Variants in RBM20 observed in about 807,000 individuals in gnomAD.
RBM20 encodes the protein RNA binding motif protein 20.
RBM20 carries 51 observed loss-of-function variants against 110.1 expected under a neutral mutation model. That is an observed-to-expected ratio of 0.46 (90% CI 0.37 to 0.59). The LOEUF (loss-of-function observed/expected upper bound fraction) is 0.59. Ranked by LOEUF, RBM20 falls within the 20% of genes least tolerant of loss-of-function variation. The pLI is 0.00. For synonymous variants in RBM20, 589 were observed against 618.2 expected (o/e 0.95, Z 0.70); for missense variants, 1,512 against 1,574.9 (o/e 0.96, Z 0.68).
In RBM20 at chr10:110,823,431, C is replaced by CTTTTTTTT. The variant is rs201149204; in HGVS notation, c.3317-29_3317-22dup. The CTTTTTTTT allele has an allele frequency of 2.1e-5, 27 of 1,303,060 alleles. 1 individual carries two copies. In the African/African-American group the frequency reaches 2.6e-4, roughly 13 times the overall value. 80.7% of individuals were successfully genotyped at this position (1,303,060 alleles called of 1,614,324 possible). ...GGACTCTTTGAGGCATGTTGTATTT[C>CTTTTTTTT]TTTTTTTTTTTTTTTTTTTTTTTTT... On this transcript the variant is annotated intron_variant, in intron 11 of 13. Transcript: ENST00000369519.
intron 1 of RBM20, among the ~76,000 whole-genome samples, chr10:110,688,995 AT>A (rs140643026): frequency 0.22 from 33,564 of 151,180 alleles, 3,871 homozygotes; most frequent in East Asian, 0.33. Context: ...GCTTTTAGGC[AT>A]TTTTTTGTTT....
chr10:110,748,582 CT>C (rs1205719605), intron 1 of RBM20, among the ~76,000 whole-genome samples: 1 of 152,156 alleles, frequency 6.6e-6, no homozygotes, highest in Admixed American at 6.5e-5. Context: ...GGGTAGCTCT[CT>C]TTTGACTCCT....
chr10:110,751,793 A>T (rs915811907), intron 1 of RBM20, among the ~76,000 whole-genome samples: 9 of 151,142 alleles, frequency 6.0e-5, no homozygotes, highest in African/African-American at 1.5e-4. Flanking sequence ...AATAGAAATT[A>T]AAAAAAACTC....
chr10:110,812,590 G>C lies in RBM20; in HGVS notation c.2193G>C (p.Arg731Ser), dbSNP rs1475940613. ...AELDERPEGG[R>S]PHREKYPRSG... ...TGGACGAGCGACCAGAAGGAGGGAG[G>C]CCCCACCGGGAGAAGTACCCGAGAT... is the stretch of plus-strand genomic sequence containing the variant. The change falls in exon 9 of 14, where the codon AGG becomes AGC. Residue 731 changes from arginine (R) to serine (S), a missense_variant. By Grantham distance (110) the Arg-to-Ser change is moderately radical (BLOSUM62 -1). This residue lies in a region of RBM20 where 1,149 missense variants were observed against 1,169.4 expected (regional missense o/e 0.98). Transcript: ENST00000369519. The C allele has an allele frequency of 9.7e-6, 15 of 1,551,520 alleles. No homozygotes were observed. Among genetic ancestry groups the C allele is most frequent in the African/African-American group, 1.4e-5 (1 of 73,028 alleles).
At chr10:110,651,049 G>A (rs925409694) in intron 1 of RBM20, among the ~76,000 whole-genome samples, 1 of 152,182 alleles carries the variant, frequency 6.6e-6, no homozygotes, top group Non-Finnish European at 1.5e-5. Context: ...ACCTGGACAA[G>A]CCAATTAACC....
At position 110,687,374 on chromosome 10, in the gene RBM20, A is replaced by T. The variant is rs148089025; in HGVS notation, c.191+42729A>T. Among the ~76,000 whole-genome samples the T allele has an allele frequency of 1.3e-3, 203 of 152,364 alleles. 1 individual carries two copies. Among genetic ancestry groups the T allele is most frequent in the African/African-American group, 4.7e-3 (197 of 41,590 alleles). On this transcript the variant is annotated intron_variant, in intron 1 of 13. Transcript: ENST00000369519. ...CATAGCTGAATGATTAAGTTGGATG[A>T]TGTGACAAAACACTTAACTTGTATT...
At chr10:110,747,202 T>TCACTA (rs1843791565) in intron 1 of RBM20, among the ~76,000 whole-genome samples, 1 of 151,402 alleles carries the variant, frequency 6.6e-6, no homozygotes, top group African/African-American at 2.4e-5. Flanking sequence ...AAAAATACCC[T>TCACTA]CACTAAAAAT....
At chr10:110,696,536 C>T (rs570462251) in intron 1 of RBM20, among the ~76,000 whole-genome samples, 1 of 152,308 alleles carries the variant, frequency 6.6e-6, no homozygotes, top group African/African-American at 2.4e-5. Flanking sequence ...TCAGAAACTC[C>T]AAGGGTGGCA....
At chr10:110,667,639 C>A (rs1862197279) in intron 1 of RBM20, among the ~76,000 whole-genome samples, 1 of 152,180 alleles carries the variant, frequency 6.6e-6, no homozygotes, top group Non-Finnish European at 1.5e-5. Flanking sequence ...CAGAACCCAG[C>A]CCCCTTTTCA....
At position 110,838,248 on chromosome 10, in the gene RBM20, T is replaced by C. The variant is rs942816224; in HGVS notation, c.*2270T>C. On this transcript the variant is annotated 3_prime_UTR_variant, in exon 14 of 14. Coordinates refer to ENST00000369519, the MANE Select transcript of RBM20 (RefSeq NM_001134363.3). Reference sequence around the variant, plus strand: ...TGTTGCCCAATTCTAGAATCAAAAATAAAGGCCAACTAAGATCTTCAAAGT... The same window carrying C: ...TGTTGCCCAATTCTAGAATCAAAAACAAAGGCCAACTAAGATCTTCAAAGT... 1.3e-5 allele frequency: 2 copies of C among 152,190 alleles called. No individual in the cohort carries two copies. The highest frequency in any genetic ancestry group is 2.9e-5 in the Non-Finnish European group (2 of 68,018). 9.4% of individuals were successfully genotyped at this position (152,190 alleles called of 1,614,324 possible). A position where few individuals can be genotyped will look rare whatever the true frequency, so the allele number is the denominator to read the frequency against.
chr10:110,699,848 G>A (rs1344110277), intron 1 of RBM20, among the ~76,000 whole-genome samples: 1 of 152,046 alleles, frequency 6.6e-6, no homozygotes, highest in African/African-American at 2.4e-5. Flanking sequence ...ATTATGAAGC[G>A]AAATAAGGAT....
chr10:110,702,568 T>A (rs1404971665), intron 1 of RBM20, among the ~76,000 whole-genome samples: 2 of 152,176 alleles, frequency 1.3e-5, no homozygotes, highest in Non-Finnish European at 2.9e-5. Context: ...TGAAAGCATG[T>A]GAAGTTTATG....
At chr10:110,649,992 G>T (rs142732343) in intron 1 of RBM20, among the ~76,000 whole-genome samples, 1 of 152,186 alleles carries the variant, frequency 6.6e-6, no homozygotes, top group Non-Finnish European at 1.5e-5. Context: ...CACCACGGGG[G>T]TATTGTTGGT....
chr10:110,752,920 C>CATATATATATATATATATATAT (rs760317651), intron 1 of RBM20, among the ~76,000 whole-genome samples: 1 of 125,226 alleles, frequency 8.0e-6, no homozygotes, highest in African/African-American at 3.2e-5. Flanking sequence ...TATATTTATA[C>CATATATATATATATATATATAT]ATATATATAT....
At chr10:110,823,330 C>A in intron 11 of RBM20, 150 bp from the exon 12 acceptor site, 1 of 1,003,158 alleles carries the variant, frequency 1.0e-6, no homozygotes, top group Non-Finnish European at 1.4e-6. Flanking sequence ...TAATTAGCAA[C>A]CATTGCCCCA....
At chr10:110,725,724 G>A (rs1408637357) in intron 1 of RBM20, among the ~76,000 whole-genome samples, 1 of 152,248 alleles carries the variant, frequency 6.6e-6, no homozygotes, top group Admixed American at 6.5e-5. Context: ...TATTTCAGGG[G>A]CTGCAGAGCT....
At chr10:110,737,742 T>A (rs1440653470) in intron 1 of RBM20, among the ~76,000 whole-genome samples, 1 of 152,220 alleles carries the variant, frequency 6.6e-6, no homozygotes, top group African/African-American at 2.4e-5. Flanking sequence ...TAATTATACC[T>A]GGTTAGTGTT....
At chr10:110,791,983 A>T (rs1473107306) in intron 5 of RBM20, among the ~76,000 whole-genome samples, 1 of 152,232 alleles carries the variant, frequency 6.6e-6, no homozygotes, top group Non-Finnish European at 1.5e-5. Context: ...TATGTCTTTT[A>T]AAATTTATTT....
chr10:110,644,888 C>T lies in RBM20; in HGVS notation c.191+243C>T, dbSNP rs1468253771. ...TTCCTTATCTCCTTTCTCTTCTCTT[C>T]AGGAATGGTACTAGATATTTTGAAC... On this transcript the variant is annotated intron_variant, in intron 1 of 13. Transcript: ENST00000369519. This position sits in a 1 kb window ranked among gnomAD's most constrained non-coding sequence, Gnocchi z 4.3. Among the ~76,000 whole-genome samples, 1 of 152,126 alleles carries T rather than the reference C, an allele frequency of 6.6e-6. No homozygotes were observed. Among genetic ancestry groups the T allele is most frequent in the Non-Finnish European group, 1.5e-5 (1 of 68,042 alleles).
Sources: gnomAD v4.1 joint callset for allele counts (sites outside exome capture counted in the v4.1 genomes callset) on GRCh38, gnomAD v4.1.1 for gene constraint, gnomAD v4.1.1 regional missense constraint, Gnocchi (gnomAD v3.1) non-coding constraint, MANE v1.5 for transcripts, NCBI Gene and HGNC (gene_info 2026-07-23, HGNC 2026-07-21) for gene names.